Variants in CLGN observed in about 807,000 individuals in gnomAD.
CLGN encodes testis tissue sperm-binding protein Li 79P.
Under a neutral mutation model 79.1 loss-of-function variants are expected in CLGN, and 62 were observed. The observed-to-expected ratio is 0.78, with a 90% CI of 0.64 to 0.97. The LOEUF (loss-of-function observed/expected upper bound fraction) is 0.97. Among genes scored for constraint, CLGN ranks in the 50% least tolerant of loss-of-function variants. The pLI, the probability that CLGN is intolerant of heterozygous loss-of-function variation, is 0.00. For synonymous variants in CLGN, 225 were observed against 224.7 expected (o/e 1.00, Z -0.01); for missense variants, 647 against 715.5 (o/e 0.90, Z 1.09).
chr4:140,409,760 T>C (rs1237531888), intron 4 of CLGN, 77 bp downstream of exon 4: 1 of 924,450 alleles, frequency 1.1e-6, no homozygotes, highest in Admixed American at 2.5e-5. Flanking sequence ...CAACACAATT[T>C]AACAAAAATC....
chr4:140,396,904 T>C (rs1364033611), intron 8 of CLGN, among the ~76,000 whole-genome samples: 8 of 71,318 alleles, frequency 1.1e-4, no homozygotes, highest in South Asian at 4.0e-4. Context: ...TATATATATA[T>C]ATGTATATAT....
intron 7 of CLGN, among the ~76,000 whole-genome samples, chr4:140,399,243 A>G (rs2126619354): frequency 6.6e-6 from 1 of 152,286 alleles, no homozygotes; most frequent in East Asian, 1.9e-4. Flanking sequence ...TTTAAACTGC[A>G]TTTTTTACAA....
At chr4:140,405,179 A>T (rs146156590) in intron 5 of CLGN, among the ~76,000 whole-genome samples, 1,887 of 110,654 alleles carry the variant, frequency 0.017, 47 homozygotes, top group South Asian at 0.05. Flanking sequence ...TTTTATTTTT[A>T]TTTTTTTTTT....
In CLGN at chr4:140,395,892, T is replaced by C. The variant is rs779824312; in HGVS notation, c.1076A>G (p.Lys359Arg). The part of the protein sequence containing the change: ...PACRIGCGEW[K>R]PPMIDNPKYK... ...TTTTGGGTTATCTATCATGGGAGGT[T>C]TCCACTCACCACACCCAATCCGACA... The change falls in exon 10 of 15, where the codon AAA (lysine) becomes AGA (arginine). Residue 359 changes from lysine to arginine, a missense_variant. Lys to Arg is a conservative substitution (Grantham distance 26, BLOSUM62 2). Transcript: ENST00000325617. 2.9e-5 allele frequency: 46 copies of C among 1,601,866 alleles called. No individual in the cohort carries two copies. In the East Asian group the frequency reaches 1.0e-3, roughly 36 times the overall value.
At chr4:140,390,519 G>A in intron 14 of CLGN, 109 bp downstream of exon 14, 1 of 603,058 alleles carries the variant, frequency 1.7e-6, no homozygotes, top group Middle Eastern at 2.8e-4. Flanking sequence ...TCTTATAAAA[G>A]CTGAGAGAAA....
intron 1 of CLGN, among the ~76,000 whole-genome samples, chr4:140,413,845 G>A (rs928685385): frequency 3.9e-5 from 6 of 152,252 alleles, no homozygotes; most frequent in African/African-American, 9.6e-5. Context: ...CGAACTGGGC[G>A]GAGCCCACCA....
chr4:140,425,446 G>GTGTGTC (rs1553946851), intron 1 of CLGN, among the ~76,000 whole-genome samples: 2 of 149,408 alleles, frequency 1.3e-5, no homozygotes, highest in African/African-American at 2.5e-5. Context: ...GTGTGTGTGT[G>GTGTGTC]TGTGTGTGTG....
chr4:140,406,507 T>G (rs1250320480), intron 4 of CLGN, among the ~76,000 whole-genome samples: 2 of 152,238 alleles, frequency 1.3e-5, no homozygotes, highest in Non-Finnish European at 2.9e-5. Context: ...TATTTTGAAA[T>G]GCACAATACT....
At chr4:140,416,493 G>C (rs1324893301) in intron 1 of CLGN, among the ~76,000 whole-genome samples, 1 of 152,058 alleles carries the variant, frequency 6.6e-6, no homozygotes, top group African/African-American at 2.4e-5. Flanking sequence ...GAATCTAATA[G>C]ACGCAGCAAA....
chr4:140,406,663 A>G (rs1473880458), intron 4 of CLGN, among the ~76,000 whole-genome samples: 2 of 152,354 alleles, frequency 1.3e-5, no homozygotes, highest in African/African-American at 2.4e-5. Flanking sequence ...AAAGCACTGC[A>G]TAAGTGCTAA....
intron 1 of CLGN, among the ~76,000 whole-genome samples, chr4:140,425,446 G>C (rs201357416): frequency 7.7e-4 from 115 of 149,476 alleles, no homozygotes; most frequent in African/African-American, 2.1e-3. Context: ...GTGTGTGTGT[G>C]TGTGTGTGTG....
At chr4:140,400,610 G>T in intron 6 of CLGN, 61 bp from the exon 7 acceptor site, 1 of 1,099,558 alleles carries the variant, frequency 9.1e-7, no homozygotes, top group Non-Finnish European at 1.3e-6. Context: ...ATGCATTTCT[G>T]TATTTTATCC....
intron 8 of CLGN, 131 bp downstream of exon 8, chr4:140,398,719 CA>C: frequency 1.5e-6 from 1 of 680,196 alleles, no homozygotes; most frequent in Admixed American, 3.2e-5. Flanking sequence ...GAAAATATTT[CA>C]CCCAAAATAC....
rs113979220 is a variant in CLGN, at chr4:140,390,704, T to G, written c.1676A>C (p.Lys559Thr). The G allele has an allele frequency of 1.2e-6, 2 of 1,601,682 alleles. No individual in the cohort carries two copies. The highest frequency in any genetic ancestry group is 8.5e-7 in the Non-Finnish European group (1 of 1,172,852). The part of the protein sequence containing the change: ...EKEEESEPEE[K>T]SEEEIEIIEG... Reference sequence around the variant, plus strand: ...TATGATTTCAATTTCTTCTTCACTCTTTTCCTCAGGTTCACTTTCCTCTTC... The same window carrying G: ...TATGATTTCAATTTCTTCTTCACTCGTTTCCTCAGGTTCACTTTCCTCTTC... Residue 559 changes from lysine to threonine, a missense_variant, in exon 14 of 15, where the codon AAG (lysine) becomes ACG (threonine). By Grantham distance (78) the Lys-to-Thr change is moderately conservative. Coordinates refer to ENST00000325617, the MANE Select transcript of CLGN (RefSeq NM_004362.3).
At chr4:140,393,582 C>T (rs1030824154) in intron 11 of CLGN, among the ~76,000 whole-genome samples, 5 of 151,878 alleles carry the variant, frequency 3.3e-5, no homozygotes, top group Non-Finnish European at 7.4e-5. Context: ...GCATTAAATC[C>T]CATTAGTGAT....
intron 7 of CLGN, among the ~76,000 whole-genome samples, chr4:140,399,395 A>G (rs1217198630): frequency 1.3e-5 from 2 of 152,212 alleles, no homozygotes; most frequent in African/African-American, 4.8e-5. Flanking sequence ...ATACCATCTT[A>G]AAGTGTTGTA....
intron 5 of CLGN, among the ~76,000 whole-genome samples, chr4:140,403,441 G>C (rs369972722): frequency 3.3e-5 from 5 of 152,108 alleles, no homozygotes; most frequent in African/African-American, 1.2e-4. Flanking sequence ...AGGACAGTTT[G>C]TTTTCCTCAA....
At chr4:140,422,967 G>A (rs1252296938) in intron 1 of CLGN, among the ~76,000 whole-genome samples, 4 of 152,094 alleles carry the variant, frequency 2.6e-5, no homozygotes, top group African/African-American at 4.8e-5. Flanking sequence ...GAAATCTTTA[G>A]GGTTTTGTAC....
chr4:140,400,692 A>T, intron 6 of CLGN, 143 bp from the exon 7 acceptor site: 1 of 562,042 alleles, frequency 1.8e-6, no homozygotes, highest in South Asian at 2.6e-5. Flanking sequence ...ACAAGTGACA[A>T]TAAAGGACAT....
Sources: allele counts gnomAD v4.1 joint callset (sites outside exome capture counted in the v4.1 genomes callset), GRCh38; gene constraint gnomAD v4.1.1; transcripts MANE v1.5; gene names NCBI Gene and HGNC (gene_info 2026-07-23, HGNC 2026-07-21).